RAPGEF3: variants seen among roughly 807,000 people sequenced by gnomAD.
RAPGEF3 encodes 9330170P05Rik.
A neutral mutation model predicts 129.8 loss-of-function variants in RAPGEF3; 103 were observed. The ratio of observed to expected loss-of-function variants is 0.79; its 90% CI spans 0.68 to 0.93. The LOEUF (loss-of-function observed/expected upper bound fraction) is 0.93, where lower values mean the gene tolerates loss of function less well. RAPGEF3 is among the 40% of genes least tolerant of loss of function. The probability of loss-of-function intolerance (pLI) is 0.00; values close to 1 mark genes in which losing one functional copy is unlikely to be tolerated. For missense variants in RAPGEF3, 1,117 were observed against 1,207.4 expected (o/e 0.93, Z 1.11); for synonymous variants, 436 against 482.6 (o/e 0.90, Z 1.26).
intron 18 of RAPGEF3, chr12:47,742,305 G>C (rs1039799472): frequency 6.6e-6 from 1 of 152,228 alleles, no homozygotes; most frequent in African/African-American, 2.4e-5. Context: ...CATGGGTGTC[G>C]ATCCAAGTGC....
At chr12:47,744,147 G>T in intron 16 of RAPGEF3, 79 bp from the exon 17 acceptor site, 1 of 1,208,250 alleles carries the variant, frequency 8.3e-7, no homozygotes, top group Non-Finnish European at 1.2e-6. Context: ...TGAGGTCCCT[G>T]TGTCACCAGG....
rs117027606 is a variant in RAPGEF3, at chr12:47,745,810, G to A, written c.1596+1050C>T. On this transcript the variant is annotated intron_variant, in intron 16 of 27. Transcript: ENST00000449771. ...ATGAGGTGCAGCATCAGCACCTAGC[G>A]CAGTGCCCGGCCTGCGAGGGTGAGC... 3.9e-3 allele frequency: 600 copies of A among 152,386 alleles called. 2 individuals are homozygous for A. Among genetic ancestry groups the A allele is most frequent in the Middle Eastern group, 6.8e-3 (2 of 294 alleles). 9.4% of individuals were successfully genotyped at this position (152,386 alleles called of 1,614,324 possible).
intron 15 of RAPGEF3, 101 bp from the exon 16 acceptor site, chr12:47,747,000 G>A (rs1941460600): frequency 8.5e-7 from 1 of 1,171,946 alleles, no homozygotes; most frequent in African/African-American, 1.6e-5. Context: ...CTCACCAGTG[G>A]TTCAGAGGTA....
Position 47,758,013 on chromosome 12 carries a change from TC to T in RAPGEF3, c.71del (p.Gly24GlufsTer22). The T allele has an allele frequency of 6.3e-7, 1 of 1,575,518 alleles. No individual in the cohort carries two copies. Among genetic ancestry groups the T allele is most frequent in the Non-Finnish European group, 8.6e-7 (1 of 1,160,436 alleles). Reference protein sequence around the residue: ...GLAVEDSPALGAPRVGALPDV... With the variant: ...GLAVEDSPALXAPRVGALPDV... ...CAGGGAGGGCTCCCACCCGCGGTGC[TC>T]CCAGAGCTGGGCTATCCTCCACAGC... On this transcript the variant is annotated frameshift_variant, in exon 2 of 28. Coordinates refer to ENST00000449771, the MANE Select transcript of RAPGEF3 (RefSeq NM_001098531.4). LOFTEE classifies it high-confidence loss of function.
rs1188857664 is a variant in RAPGEF3, at chr12:47,751,982, G to A, written c.220-13C>T. 1 of 1,614,068 alleles carries A rather than the reference G, an allele frequency of 6.2e-7. No individual in the cohort carries two copies. The highest frequency in any genetic ancestry group is 1.3e-5 in the African/African-American group (1 of 75,054). On this transcript the variant is annotated splice_polypyrimidine_tract_variant and intron_variant, in intron 2 of 27. Coordinates refer to ENST00000449771, the MANE Select transcript of RAPGEF3 (RefSeq NM_001098531.4). ...TGGTGAGTGGTGTCTGGGGGCAGCA[G>A]GGAAAGCGTGCACATCAGTGTGAGG... is the stretch of plus-strand genomic sequence containing the variant.
intron 13 of RAPGEF3, 76 bp downstream of exon 13, chr12:47,747,998 G>T: frequency 6.4e-7 from 1 of 1,554,780 alleles, no homozygotes; most frequent in Non-Finnish European, 8.8e-7. Context: ...GCACAGCCAC[G>T]CTGGTGAGAT....
At chr12:47,753,958 C>CT (rs1408365870) in intron 2 of RAPGEF3, 1 of 152,216 alleles carries the variant, frequency 6.6e-6, no homozygotes, top group African/African-American at 2.4e-5. Flanking sequence ...GAGGAAGGGA[C>CT]TTTAAGGAAT....
chr12:47,739,449 G>A (rs920618905), intron 23 of RAPGEF3: 1 of 697,154 alleles, frequency 1.4e-6, no homozygotes, highest in Middle Eastern at 2.3e-4. Context: ...TAGTCACAGG[G>A]GCCCCAGGTT....
intron 18 of RAPGEF3, among the ~76,000 whole-genome samples, chr12:47,742,523 G>T (rs1239345576): frequency 6.6e-6 from 1 of 152,166 alleles, no homozygotes; most frequent in Non-Finnish European, 1.5e-5. Flanking sequence ...ATTCTTGTCT[G>T]CCCTGGGTTC....
In RAPGEF3 at chr12:47,751,504, G is replaced by A. The variant is rs755978488; in HGVS notation, c.397C>T (p.Arg133Trp). Reference sequence around the variant, plus strand: ...GCCAAGATCCCATCCACCAGCTCCCGGCCAGAGCAGCACTGCCTATGGAAG... The same window carrying A: ...GCCAAGATCCCATCCACCAGCTCCCAGCCAGAGCAGCACTGCCTATGGAAG... Reference protein sequence around the residue: ...LRLYRQCCSGRELVDGILALG... With the variant: ...LRLYRQCCSGWELVDGILALG... Residue 133 changes from arginine (R) to tryptophan (W), a missense_variant, in exon 5 of 28, where the codon CGG becomes TGG. Around this residue, in one of 3 missense-constraint regions of RAPGEF3, gnomAD observed 367 missense variants for 373.4 expected, o/e 0.98. Coordinates refer to ENST00000449771, the MANE Select transcript of RAPGEF3 (RefSeq NM_001098531.4). 28 of 1,614,186 alleles carry A rather than the reference G, an allele frequency of 1.7e-5. No homozygotes were observed. The highest frequency in any genetic ancestry group is 3.3e-4 in the Middle Eastern group (2 of 6,062).
In RAPGEF3 at chr12:47,749,070, G is replaced by A. The variant is rs565885146; in HGVS notation, c.1042-139C>T. On this transcript the variant is annotated intron_variant, in intron 10 of 27. Coordinates refer to ENST00000449771, the MANE Select transcript of RAPGEF3 (RefSeq NM_001098531.4). The surrounding 1 kb of genome is among the most constrained non-coding windows in gnomAD (Gnocchi z 4.5). Reference sequence around the variant, plus strand: ...AGCCCTTCTCCCACCTCCGACTTTGGCTCCACCTCCTCAGCCTTCCCTACC... The same window carrying A: ...AGCCCTTCTCCCACCTCCGACTTTGACTCCACCTCCTCAGCCTTCCCTACC... 18 of 731,396 alleles carry A rather than the reference G, an allele frequency of 2.5e-5. No individual in the cohort carries two copies. The East Asian group carries it at 4.8e-4, about 19-fold the overall frequency. The allele number at this position is 731,396 out of a possible 1,614,324, so 45.3% of individuals were successfully genotyped here.
chr12:47,750,005 T>C lies in RAPGEF3; in HGVS notation c.757-15A>G, dbSNP rs374084878. On this transcript the variant is annotated splice_polypyrimidine_tract_variant and intron_variant, in intron 7 of 27. Coordinates refer to ENST00000449771, the MANE Select transcript of RAPGEF3 (RefSeq NM_001098531.4). Reference sequence around the variant, plus strand: ...TCTCGCTTCACCTGTGTGGTGGAGATAGGAGAGTCGGTGGCGACAAGTTCA... The same window carrying C: ...TCTCGCTTCACCTGTGTGGTGGAGACAGGAGAGTCGGTGGCGACAAGTTCA... 5.6e-6 allele frequency: 9 copies of C among 1,614,032 alleles called. No homozygotes were observed. The South Asian group carries it at 7.7e-5, about 14-fold the overall frequency.
chr12:47,747,418 C>A, intron 15 of RAPGEF3, 126 bp downstream of exon 15: 2 of 897,226 alleles, frequency 2.2e-6, no homozygotes, highest in Non-Finnish European at 3.5e-6. Context: ...CTGATAAGAA[C>A]AAGGAATTGA....
intron 16 of RAPGEF3, chr12:47,745,830 G>T (rs1053771031): frequency 6.6e-6 from 1 of 152,358 alleles, no homozygotes; most frequent in African/African-American, 2.4e-5. Context: ...GCCTGCGAGG[G>T]TGAGCCCACA....
At chr12:47,758,519 C>T (rs758902418) in intron 1 of RAPGEF3, 32 bp downstream of exon 1, 31 of 1,612,116 alleles carry the variant, frequency 1.9e-5, no homozygotes, top group Non-Finnish European at 2.6e-5. Flanking sequence ...CCCTCTCCTG[C>T]TCCTCCTCAA....
intron 23 of RAPGEF3, 178 bp from the exon 24 acceptor site, chr12:47,739,408 T>G: frequency 1.4e-6 from 1 of 707,940 alleles, no homozygotes. Flanking sequence ...GCTTCCAACC[T>G]CCCATTAGCA....
At chr12:47,741,899 T>G in intron 18 of RAPGEF3, 1 of 431,398 alleles carries the variant, frequency 2.3e-6, no homozygotes, top group Non-Finnish European at 4.3e-6. Context: ...ACAATAAGAC[T>G]TGCCCCAACT....
Position 47,743,611 on chromosome 12 carries a change from C to T in RAPGEF3, c.1744G>A (p.Val582Met), listed in dbSNP as rs899984014. The T allele has an allele frequency of 6.8e-6, 11 of 1,613,952 alleles. No homozygotes were observed. The highest frequency in any genetic ancestry group is 5.3e-5 in the African/African-American group (4 of 74,936). ...GCCAACGCTGCCATCACCTCTCTCACGGAGGCTGTCACAGGCAGCTGCAGG... is the reference window on the plus strand; with the variant it reads ...GCCAACGCTGCCATCACCTCTCTCATGGAGGCTGTCACAGGCAGCTGCAGG... ...LTLQLPVTAS[V>M]REVMAALAQE... The change falls in exon 18 of 28, where the codon GTG (valine) becomes ATG (methionine). Residue 582 changes from valine (V) to methionine (M), a missense_variant. Around this residue, in one of 3 missense-constraint regions of RAPGEF3, gnomAD observed 643 missense variants for 673.4 expected, o/e 0.95. Transcript: ENST00000449771.
In RAPGEF3 at chr12:47,751,474, C is replaced by A. The variant is rs1213379088; in HGVS notation, c.427G>T (p.Gly143Ter). ...TGGCTCCGGGAATGGACCCCAAGTC[C>A]CAGGGCCAAGATCCCATCCACCAGC... ...RELVDGILAL[G>*]LGVHSRSQVV... Residue 143 changes from glycine (G) to a stop codon, truncating the protein, a stop_gained, in exon 5 of 28, where the codon GGA (glycine) becomes TGA (stop). Transcript: ENST00000449771. LOFTEE classifies it high-confidence loss of function. The A allele has an allele frequency of 1.9e-6, 3 of 1,614,088 alleles. No individual in the cohort carries two copies. Among genetic ancestry groups the A allele is most frequent in the East Asian group, 4.5e-5 (2 of 44,890 alleles).
Sources: allele counts gnomAD v4.1 joint callset (sites outside exome capture counted in the v4.1 genomes callset), GRCh38; gene constraint gnomAD v4.1.1; regional missense constraint gnomAD v4.1.1; non-coding constraint Gnocchi (gnomAD v3.1); transcripts MANE v1.5; gene names NCBI Gene and HGNC (gene_info 2026-07-23, HGNC 2026-07-21).